Variants in METTL25 observed in about 807,000 individuals in gnomAD.
The protein encoded by METTL25 is probable methyltransferase-like protein 25.
Under a neutral mutation model 71.6 loss-of-function variants are expected in METTL25, and 64 were observed. That is an observed-to-expected ratio of 0.89 (90% CI 0.73 to 1.10). METTL25 has a LOEUF of 1.10. Ranked by LOEUF, METTL25 falls within the 50% of genes least tolerant of loss-of-function variation. The pLI is 0.00. For synonymous variants in METTL25, 287 were observed against 250.3 expected, an observed-to-expected ratio of 1.15 and a Z score of -1.38; for missense variants, 807 against 707.0, an observed-to-expected ratio of 1.14 and a Z score of -1.60.
chr12:82,367,305 T>C (rs745526411), intron 1 of METTL25, among the ~76,000 whole-genome samples: 1 of 152,238 alleles, frequency 6.6e-6, no homozygotes, highest in Non-Finnish European at 1.5e-5. Context: ...ACTTTCCTTG[T>C]AAGCTTATAG....
intron 4 of METTL25, among the ~76,000 whole-genome samples, chr12:82,401,326 G>A (rs955772883): frequency 7.9e-5 from 12 of 152,082 alleles, no homozygotes; most frequent in Middle Eastern, 3.4e-3. Context: ...AATACTTAAC[G>A]TTATTTTGAA....
intron 5 of METTL25, among the ~76,000 whole-genome samples, chr12:82,409,977 G>A (rs1471465181): frequency 2.0e-5 from 3 of 151,994 alleles, no homozygotes; most frequent in Non-Finnish European, 4.4e-5. Context: ...TCTGGAAATT[G>A]TGAGGGAGAA....
At chr12:82,417,462 TAA>T (rs1478727102) in intron 5 of METTL25, among the ~76,000 whole-genome samples, 2 of 152,214 alleles carry the variant, frequency 1.3e-5, no homozygotes, top group Non-Finnish European at 2.9e-5. Flanking sequence ...GTTAAAAAGT[TAA>T]AGTTTGTTTG....
At chr12:82,441,754 A>G (rs1268378833) in intron 8 of METTL25, among the ~76,000 whole-genome samples, 1 of 150,846 alleles carries the variant, frequency 6.6e-6, no homozygotes, top group East Asian at 2.0e-4. Context: ...GCAGGCCTAG[A>G]AAAACTTTTA....
At chr12:82,403,555 G>A (rs1306092046) in intron 5 of METTL25, among the ~76,000 whole-genome samples, 3 of 152,056 alleles carry the variant, frequency 2.0e-5, no homozygotes, top group African/African-American at 7.2e-5. Flanking sequence ...ATTTAAAAAA[G>A]AAAAAGTTCT....
chr12:82,466,220 A>G (rs757874514), intron 9 of METTL25, among the ~76,000 whole-genome samples: 3 of 151,172 alleles, frequency 2.0e-5, no homozygotes, highest in Non-Finnish European at 3.0e-5. Flanking sequence ...TGATGTAGTT[A>G]GTTATTGCTG....
chr12:82,366,871 T>G (rs971490714), intron 1 of METTL25, among the ~76,000 whole-genome samples: 3 of 152,228 alleles, frequency 2.0e-5, no homozygotes, highest in African/African-American at 4.8e-5. Context: ...AGATTTCAAA[T>G]GTAAAAATAA....
chr12:82,397,298 G>A (rs557922980), intron 3 of METTL25, among the ~76,000 whole-genome samples: 10 of 151,926 alleles, frequency 6.6e-5, no homozygotes, highest in Non-Finnish European at 1.5e-4. Flanking sequence ...GGAAGAGTAC[G>A]TTTGAATATT....
Position 82,403,031 on chromosome 12 carries a change from A to T in METTL25, c.1180A>T (p.Thr394Ser). The T allele has an allele frequency of 6.2e-7, 1 of 1,613,346 alleles. No homozygotes were observed. Among genetic ancestry groups the T allele is most frequent in the Non-Finnish European group, 8.5e-7 (1 of 1,179,430 alleles). The change falls in exon 5 of 12, where the codon ACT (threonine) becomes TCT (serine). Residue 394 changes from threonine to serine, a missense_variant. By Grantham distance (58) the Thr-to-Ser change is moderately conservative. Coordinates refer to ENST00000248306, the MANE Select transcript of METTL25 (RefSeq NM_032230.3). ...LHTCGDLAPN[T>S]LRIFTSNSEI... is the part of the protein sequence containing the mutation. ...CACTTGTGGTGATCTGGCTCCAAATACTTTGCGAATATTTACCTCCAACTC... is the reference window on the plus strand; with the variant it reads ...CACTTGTGGTGATCTGGCTCCAAATTCTTTGCGAATATTTACCTCCAACTC...
chr12:82,394,092 TG>T (rs1885867018), intron 3 of METTL25, among the ~76,000 whole-genome samples: 1 of 152,042 alleles, frequency 6.6e-6, no homozygotes, highest in South Asian at 2.1e-4. Flanking sequence ...ATTTCAATTT[TG>T]GGGATTTATT....
At chr12:82,441,861 A>G (rs1408010907) in intron 8 of METTL25, among the ~76,000 whole-genome samples, 1 of 147,652 alleles carries the variant, frequency 6.8e-6, no homozygotes, top group African/African-American at 2.5e-5. Flanking sequence ...ACTCTCACCT[A>G]TGCCAACAAA....
intron 5 of METTL25, among the ~76,000 whole-genome samples, chr12:82,418,688 CA>C (rs987146346): frequency 2.0e-5 from 3 of 152,060 alleles, no homozygotes; most frequent in South Asian, 4.1e-4. Flanking sequence ...CAAGTTATGA[CA>C]AAAAAACTTG....
chr12:82,378,635 T>G (rs1011691744), intron 1 of METTL25, among the ~76,000 whole-genome samples: 1 of 152,216 alleles, frequency 6.6e-6, no homozygotes, highest in African/African-American at 2.4e-5. Context: ...GGGATATAAC[T>G]TAATTCTACT....
At chr12:82,412,796 T>C (rs1592679387) in intron 5 of METTL25, among the ~76,000 whole-genome samples, 1 of 152,192 alleles carries the variant, frequency 6.6e-6, no homozygotes, top group East Asian at 1.9e-4. Context: ...CATTGAACTT[T>C]TCACATAAAG....
At chr12:82,427,213 C>T (rs776145514) in intron 5 of METTL25, among the ~76,000 whole-genome samples, 2 of 151,966 alleles carry the variant, frequency 1.3e-5, no homozygotes, top group Admixed American at 6.6e-5. Context: ...GTGGATTTCT[C>T]TCCCACATTC....
chr12:82,375,549 T>G lies in METTL25; in HGVS notation c.260-11254T>G, dbSNP rs1426840490. On this transcript the variant is annotated intron_variant, in intron 1 of 11. Coordinates refer to ENST00000248306, the MANE Select transcript of METTL25 (RefSeq NM_032230.3). ...GTGTTTGAGGTCTTCCATGTAGAGA[T>G]ATTTAAGAAGTCCCATTCACTGCCT... 2.6e-5 allele frequency among the ~76,000 whole-genome samples: 4 copies of G among 152,228 alleles called. No individual in the cohort carries two copies. In the South Asian group the frequency reaches 8.3e-4, roughly 32 times the overall value.
At chr12:82,473,002 A>T (rs1892657246) in intron 9 of METTL25, among the ~76,000 whole-genome samples, 1 of 151,888 alleles carries the variant, frequency 6.6e-6, no homozygotes, top group African/African-American at 2.4e-5. Context: ...GAGTTTTGGG[A>T]TATTAGTTGG....
chr12:82,473,810 G>A (rs1009072757), intron 9 of METTL25, among the ~76,000 whole-genome samples: 9 of 152,148 alleles, frequency 5.9e-5, no homozygotes, highest in African/African-American at 1.9e-4. Context: ...GTCTGGAAGT[G>A]AGTTGGTTTC....
intron 9 of METTL25, among the ~76,000 whole-genome samples, chr12:82,462,961 T>C (rs985288359): frequency 6.6e-6 from 1 of 152,120 alleles, no homozygotes; most frequent in Non-Finnish European, 1.5e-5. Context: ...CACATAATAA[T>C]TGTACATATT....
Sources: allele counts gnomAD v4.1 joint callset (sites outside exome capture counted in the v4.1 genomes callset), GRCh38; gene constraint gnomAD v4.1.1; transcripts MANE v1.5; gene names NCBI Gene and HGNC (gene_info 2026-07-23, HGNC 2026-07-21).